Variants in AGBL4 observed in about 807,000 individuals in gnomAD.
AGBL4 encodes the protein cytosolic carboxypeptidase 6.
In AGBL4, 58 loss-of-function variants were observed where a neutral mutation model predicts 66.4. That is an observed-to-expected ratio of 0.87 (90% CI 0.71 to 1.09). The LOEUF (loss-of-function observed/expected upper bound fraction) is 1.09, where lower values mean the gene tolerates loss of function less well. Among genes scored for constraint, AGBL4 ranks in the 50% least tolerant of loss-of-function variants. The pLI is 0.00. For synonymous variants in AGBL4, 234 were observed against 222.9 expected, an observed-to-expected ratio of 1.05 and a Z score of -0.44; for missense variants, 579 against 631.0, an observed-to-expected ratio of 0.92 and a Z score of 0.88.
rs180963728 is a variant in AGBL4 at position 48,602,396 on chromosome 1, C to A, written c.952-11411G>T. ...ATCCTTCCAAAATCTCATCTTCCTG[C>A]TTTGCAGTATTCCTGTTGTTGTTGT... is the stretch of plus-strand genomic sequence containing the variant. On this transcript the variant is annotated intron_variant, in intron 9 of 13. Transcript: ENST00000371839. Among the ~76,000 whole-genome samples, 161 of 152,294 alleles carry A rather than the reference C, an allele frequency of 1.1e-3. 1 individual carries two copies. Among genetic ancestry groups the A allele is most frequent in the African/African-American group, 3.8e-3 (157 of 41,564 alleles).
chr1:49,330,812 G>A (rs898845041), intron 3 of AGBL4, among the ~76,000 whole-genome samples: 6 of 152,144 alleles, frequency 3.9e-5, no homozygotes, highest in Non-Finnish European at 8.8e-5. Context: ...TATGGGTGGC[G>A]CTCATGGAGA....
intron 4 of AGBL4, among the ~76,000 whole-genome samples, chr1:49,156,409 A>C (rs911466939): frequency 2.6e-5 from 4 of 152,220 alleles, no homozygotes; most frequent in Non-Finnish European, 5.9e-5. Flanking sequence ...TTAAGACAGC[A>C]AACATTTATT....
At chr1:48,545,235 G>A (rs1378737294) in intron 11 of AGBL4, among the ~76,000 whole-genome samples, 1 of 152,166 alleles carries the variant, frequency 6.6e-6, no homozygotes, top group Non-Finnish European at 1.5e-5. Context: ...CCAGTAAAAG[G>A]TGCCACTGTA....
chr1:49,404,462 T>G (rs1296548038), intron 3 of AGBL4, among the ~76,000 whole-genome samples: 1 of 152,158 alleles, frequency 6.6e-6, no homozygotes, highest in African/African-American at 2.4e-5. Flanking sequence ...TCATCCAGTG[T>G]GGTGTTTTGT....
intron 5 of AGBL4, among the ~76,000 whole-genome samples, chr1:48,900,656 G>A (rs1651997773): frequency 6.6e-6 from 1 of 152,124 alleles, no homozygotes; most frequent in South Asian, 2.1e-4. Flanking sequence ...TCAACAAATG[G>A]AACTGAAACA....
At chr1:49,136,150 T>G (rs1392923834) in intron 4 of AGBL4, among the ~76,000 whole-genome samples, 1 of 152,190 alleles carries the variant, frequency 6.6e-6, no homozygotes, top group African/African-American at 2.4e-5. Context: ...TGCTGTCTCA[T>G]TGAGCTGCAC....
chr1:49,023,180 T>C (rs552890775), intron 5 of AGBL4, among the ~76,000 whole-genome samples: 1 of 152,204 alleles, frequency 6.6e-6, no homozygotes, highest in South Asian at 2.1e-4. Flanking sequence ...CAGGCCATCT[T>C]GGGAGCAGGA....
chr1:48,992,950 C>T (rs1464988638), intron 5 of AGBL4, among the ~76,000 whole-genome samples: 2 of 152,142 alleles, frequency 1.3e-5, no homozygotes, highest in African/African-American at 4.8e-5. Flanking sequence ...TTCGGGACTA[C>T]AAGCTCCTGC....
At chr1:49,278,114 A>C (rs886558731) in intron 3 of AGBL4, among the ~76,000 whole-genome samples, 1 of 152,222 alleles carries the variant, frequency 6.6e-6, no homozygotes, top group Non-Finnish European at 1.5e-5. Context: ...CACAATACTG[A>C]CAATGTGGTA....
rs571856197 is a variant in AGBL4 at position 48,746,271 on chromosome 1, C to T, written c.635-83030G>A. Among the ~76,000 whole-genome samples, 8 of 152,218 alleles carry T rather than the reference C, an allele frequency of 5.3e-5. No individual in the cohort carries two copies. The South Asian group carries it at 8.3e-4, about 16-fold the overall frequency. On this transcript the variant is annotated intron_variant, in intron 6 of 13. Transcript: ENST00000371839. ...GTCATTCACTCCCTCTCCACCCACT[C>T]CCACACAAGTTACACTTGTGCGCTT...
At position 48,534,123 on chromosome 1, in the gene AGBL4, C is replaced by T; in HGVS notation, c.*50G>A. The T allele has an allele frequency of 6.4e-7, 1 of 1,551,024 alleles. No homozygotes were observed. Among genetic ancestry groups the T allele is most frequent in the Non-Finnish European group, 8.7e-7 (1 of 1,146,502 alleles). The stretch of plus-strand genomic sequence containing the variant: ...AAGAGTGATTAATTTCATTCCCCAG[C>T]AGAAAATGCATGCTCCTGTCCCCAT... On this transcript the variant is annotated 3_prime_UTR_variant, in exon 14 of 14. Transcript: ENST00000371839.
chr1:50,003,897 A>C (rs1051549236), intron 1 of AGBL4, among the ~76,000 whole-genome samples: 11 of 152,194 alleles, frequency 7.2e-5, no homozygotes, highest in Non-Finnish European at 1.2e-4. Flanking sequence ...AGCCTCCATC[A>C]ATCATCCTTC....
intron 6 of AGBL4, chr1:48,758,835 G>T: frequency 7.2e-7 from 1 of 1,384,126 alleles, no homozygotes; most frequent in Non-Finnish European, 9.6e-7. Flanking sequence ...TTCCCTTCCT[G>T]GAAGAGGATC....
intron 4 of AGBL4, among the ~76,000 whole-genome samples, chr1:49,148,315 A>G (rs1334156526): frequency 1.3e-5 from 2 of 151,974 alleles, no homozygotes; most frequent in Non-Finnish European, 2.9e-5. Flanking sequence ...GGATTTGGCT[A>G]TTTTCTGTTA....
intron 2 of AGBL4, among the ~76,000 whole-genome samples, chr1:49,749,292 G>C (rs990128912): frequency 3.9e-5 from 6 of 152,014 alleles, no homozygotes; most frequent in Non-Finnish European, 8.8e-5. Context: ...TTTTCGTCAG[G>C]TTTGTCAAAG....
intron 6 of AGBL4, among the ~76,000 whole-genome samples, chr1:48,767,814 G>A (rs1164499206): frequency 6.6e-6 from 1 of 152,168 alleles, no homozygotes; most frequent in Non-Finnish European, 1.5e-5. Flanking sequence ...TTTATGTCCA[G>A]GGCAAGGGAA....
intron 3 of AGBL4, among the ~76,000 whole-genome samples, chr1:49,488,365 G>A (rs1051818251): frequency 4.6e-5 from 7 of 151,076 alleles, no homozygotes; most frequent in Admixed American, 4.0e-4. Flanking sequence ...CATTCTAATA[G>A]TTATTCTGTG....
At chr1:49,748,094 C>T (rs533206388) in intron 2 of AGBL4, among the ~76,000 whole-genome samples, 2 of 152,058 alleles carry the variant, frequency 1.3e-5, no homozygotes, top group South Asian at 2.1e-4. Flanking sequence ...CATGTCCCAC[C>T]GTGGTTTGCT....
At chr1:48,918,550 T>A (rs748524321) in intron 5 of AGBL4, among the ~76,000 whole-genome samples, 1 of 152,096 alleles carries the variant, frequency 6.6e-6, no homozygotes, top group African/African-American at 2.4e-5. Context: ...GTCATCAGGG[T>A]AGAGCACTCA....
Sources: gnomAD v4.1 joint callset for allele counts (sites outside exome capture counted in the v4.1 genomes callset) on GRCh38, gnomAD v4.1.1 for gene constraint, MANE v1.5 for transcripts, NCBI Gene and HGNC (gene_info 2026-07-23, HGNC 2026-07-21) for gene names.